DOCK10: variants seen among roughly 807,000 people sequenced by gnomAD.
DOCK10 encodes dedicator of cytokinesis 10.
A neutral mutation model predicts 280.1 loss-of-function variants in DOCK10; 145 were observed. That is an observed-to-expected ratio of 0.52 (90% CI 0.45 to 0.59). DOCK10 has a LOEUF of 0.59. Among genes scored for constraint, DOCK10 ranks in the 20% least tolerant of loss-of-function variants. The probability of loss-of-function intolerance (pLI) is 0.00; values close to 1 mark genes in which losing one functional copy is unlikely to be tolerated. For synonymous variants in DOCK10, 915 were observed against 942.2 expected (o/e 0.97, Z 0.53); for missense variants, 2,368 against 2,651.7 (o/e 0.89, Z 2.35).
chr2:224,814,189 T>C, intron 31 of DOCK10, 131 bp downstream of exon 31: 1 of 456,238 alleles, frequency 2.2e-6, no homozygotes, highest in East Asian at 3.6e-5. Flanking sequence ...CAGTCAACTT[T>C]TTGAATATTT....
chr2:224,940,924 T>G (rs1257938934), intron 1 of DOCK10, among the ~76,000 whole-genome samples: 2 of 152,174 alleles, frequency 1.3e-5, no homozygotes, highest in Admixed American at 1.3e-4. Context: ...CCTCCCCCCA[T>G]TTTCATCTTA....
intron 55 of DOCK10, among the ~76,000 whole-genome samples, chr2:224,768,116 C>T (rs1312556181): frequency 6.6e-6 from 1 of 152,000 alleles, no homozygotes; most frequent in Admixed American, 6.6e-5. Context: ...GGGGTTTCAC[C>T]ATGTTGGCCA....
intron 3 of DOCK10, among the ~76,000 whole-genome samples, chr2:224,908,018 A>G (rs1391440084): frequency 6.6e-6 from 1 of 152,188 alleles, no homozygotes; most frequent in Non-Finnish European, 1.5e-5. Flanking sequence ...GTCTTGATGG[A>G]TATTAGCTAA....
intron 50 of DOCK10, among the ~76,000 whole-genome samples, chr2:224,780,086 C>T (rs1691203885): frequency 1.3e-5 from 2 of 152,158 alleles, no homozygotes; most frequent in Non-Finnish European, 2.9e-5. Context: ...TAGTCCACGG[C>T]TTTAAATAAA....
At chr2:224,989,628 G>T (rs1259683569) in intron 1 of DOCK10, among the ~76,000 whole-genome samples, 1 of 152,140 alleles carries the variant, frequency 6.6e-6, no homozygotes, top group East Asian at 1.9e-4. Flanking sequence ...CAAGATTAGT[G>T]AGAATCTTCT....
At chr2:224,987,195 G>C (rs1353207980) in intron 1 of DOCK10, among the ~76,000 whole-genome samples, 1 of 152,190 alleles carries the variant, frequency 6.6e-6, no homozygotes, top group Non-Finnish European at 1.5e-5. Context: ...AATGAGAAAA[G>C]GTGGGAAACT....
At chr2:224,919,791 A>G (rs567524717) in intron 2 of DOCK10, among the ~76,000 whole-genome samples, 1 of 152,218 alleles carries the variant, frequency 6.6e-6, no homozygotes, top group East Asian at 1.9e-4. Flanking sequence ...AGATTTAATA[A>G]GATCAGAGGA....
At chr2:224,981,960 T>C (rs986479688) in intron 1 of DOCK10, among the ~76,000 whole-genome samples, 1 of 152,202 alleles carries the variant, frequency 6.6e-6, no homozygotes, top group African/African-American at 2.4e-5. Context: ...ATGCAAACCA[T>C]GAGGCAGAAG....
rs369289066 is a variant in DOCK10 at position 224,950,627 on chromosome 2, CT to C, written c.124-18960del. Among the ~76,000 whole-genome samples the C allele has an allele frequency of 2.2e-4, 34 of 152,228 alleles. No homozygotes were observed. The East Asian group carries it at 5.2e-3, about 23-fold the overall frequency. ...GTGGTAAGAAGGGAGGGTTTCCCCC[CT>C]TTATTTAATGTGCAATGCTGATTTA... On this transcript the variant is annotated intron_variant, in intron 1 of 55. Coordinates refer to ENST00000258390, the MANE Select transcript of DOCK10 (RefSeq NM_014689.3).
Position 224,786,942 on chromosome 2 carries a change from C to G in DOCK10, c.5655+80G>C, listed in dbSNP as rs1382249689. On this transcript the variant is annotated intron_variant, in intron 50 of 55. Transcript: ENST00000258390. This position sits in a 1 kb window ranked among gnomAD's most constrained non-coding sequence, Gnocchi z 4.7. ...ACACCTCTCCATTCACTGGTACACA[C>G]AGATGTCTCATAAAGAATGAAAGAC... The G allele has an allele frequency of 2.9e-6, 3 of 1,040,920 alleles. No individual in the cohort carries two copies. Among genetic ancestry groups the G allele is most frequent in the Admixed American group, 3.4e-5 (2 of 58,586 alleles). 64.5% of individuals were successfully genotyped at this position (1,040,920 alleles called of 1,614,324 possible). A position where few individuals can be genotyped will look rare whatever the true frequency, so the allele number is the denominator to read the frequency against.
chr2:224,972,056 A>G (rs1205317383), intron 1 of DOCK10, among the ~76,000 whole-genome samples: 1 of 152,130 alleles, frequency 6.6e-6, no homozygotes, highest in Non-Finnish European at 1.5e-5. Flanking sequence ...GGTCAGAGCT[A>G]CTCCGTGTGC....
At chr2:224,845,464 A>C (rs1696274515) in intron 20 of DOCK10, 55 bp downstream of exon 20, 1 of 1,584,924 alleles carries the variant, frequency 6.3e-7, no homozygotes, top group South Asian at 1.2e-5. Flanking sequence ...ACACTCTCCA[A>C]ACCAATTCAA....
chr2:225,022,947 T>C (rs1413980253), intron 1 of DOCK10, among the ~76,000 whole-genome samples: 1 of 152,260 alleles, frequency 6.6e-6, no homozygotes, highest in African/African-American at 2.4e-5. Context: ...GGAAAGATAC[T>C]GTTCCTAATT....
chr2:224,995,636 C>T (rs1706251090), intron 1 of DOCK10, among the ~76,000 whole-genome samples: 4 of 152,182 alleles, frequency 2.6e-5, no homozygotes. Context: ...TGGAGAGCCA[C>T]CCAGTCCAAA....
At position 224,896,303 on chromosome 2, in the gene DOCK10, C is replaced by T; in HGVS notation, c.408G>A (p.Gln136=). 1 of 1,593,286 alleles carries T rather than the reference C, an allele frequency of 6.3e-7. No individual in the cohort carries two copies. The change falls in exon 4 of 56, where the codon CAG becomes CAA. Residue 136 remains glutamine (Q), a synonymous_variant. Transcript: ENST00000258390. ...KYEQYSGDIR[Q]LPRAEYKPEK... ...TCATAACAGGTTCTTACCGGGGTAG[C>T]TGTCGAATGTCTCCAGAATATTGTT...
In DOCK10 at chr2:224,766,933, T is replaced by C. The variant is rs189409747; in HGVS notation, c.6445-1096A>G. ...TTTACACAGTAGCATCCACTTTATC[T>C]TGTCTTGTCTCGTTCCTTATACTGA... On this transcript the variant is annotated intron_variant, in intron 55 of 55. Transcript: ENST00000258390. Among the ~76,000 whole-genome samples the C allele has an allele frequency of 2.5e-3, 379 of 152,338 alleles. 1 individual carries two copies. Among genetic ancestry groups the C allele is most frequent in the African/African-American group, 8.8e-3 (367 of 41,582 alleles).
At chr2:224,922,119 CA>C (rs35964702) in intron 2 of DOCK10, among the ~76,000 whole-genome samples, 16,658 of 52,028 alleles carry the variant, frequency 0.32, 670 homozygotes, top group African/African-American at 0.35. Context: ...AACTCCATCT[CA>C]AAAAAAAAAA....
intron 1 of DOCK10, among the ~76,000 whole-genome samples, chr2:225,002,540 C>T (rs1706467115): frequency 6.6e-6 from 1 of 152,206 alleles, no homozygotes; most frequent in African/African-American, 2.4e-5. Flanking sequence ...ATTTAGTCAG[C>T]TCTTCAGCTC....
At chr2:224,950,604 G>A (rs1703675427) in intron 1 of DOCK10, among the ~76,000 whole-genome samples, 1 of 152,130 alleles carries the variant, frequency 6.6e-6, no homozygotes, top group African/African-American at 2.4e-5. Context: ...GAAAAAGGGT[G>A]GTAAGAAGGG....
Sources: gnomAD v4.1 joint callset for allele counts (sites outside exome capture counted in the v4.1 genomes callset) on GRCh38, gnomAD v4.1.1 for gene constraint, Gnocchi (gnomAD v3.1) non-coding constraint, MANE v1.5 for transcripts, NCBI Gene and HGNC (gene_info 2026-07-23, HGNC 2026-07-21) for gene names.